DEFB118: variants seen among roughly 807,000 people sequenced by gnomAD.
DEFB118 encodes the protein defensin beta 118, also known as defensin, beta 18.
DEFB118 carries 3 observed loss-of-function variants against 2.8 expected under a neutral mutation model. The observed-to-expected ratio is 1.09, with a 90% CI of 0.50 to 2.82. The LOEUF (loss-of-function observed/expected upper bound fraction) is 2.82. Ranked by LOEUF, DEFB118 falls within the 30% of genes most tolerant of loss-of-function variation. The pLI, the probability that DEFB118 is intolerant of heterozygous loss-of-function variation, is 0.04. For missense variants in DEFB118, 159 were observed against 144.6 expected, an observed-to-expected ratio of 1.10 and a Z score of -0.51; for synonymous variants, 63 against 53.5, an observed-to-expected ratio of 1.18 and a Z score of -0.78.
In DEFB118 at chr20:31,372,952, C is replaced by T. The variant is rs34328728; in HGVS notation, c.154C>T (p.Arg52Ter). The change falls in exon 2 of 2, where the codon CGA becomes TGA. Residue 52 changes from arginine (R) to a stop codon, truncating the protein, a stop_gained. Coordinates refer to ENST00000253381, the MANE Select transcript of DEFB118 (RefSeq NM_054112.3). LOFTEE classifies it low-confidence loss of function (END_TRUNC). ...AGTGAAAGATACATGCAAAAATCTTCGAGCTTGCTGCATTCCATCCAATGA... is the reference window on the plus strand; with the variant it reads ...AGTGAAAGATACATGCAAAAATCTTTGAGCTTGCTGCATTCCATCCAATGA... ...EAVKDTCKNL[R>*]ACCIPSNEDH... 5 of 1,614,154 alleles carry T rather than the reference C, an allele frequency of 3.1e-6. No individual in the cohort carries two copies. Among genetic ancestry groups the T allele is most frequent in the Admixed American group, 1.7e-5 (1 of 60,024 alleles).
In DEFB118 at chr20:31,372,838, C is replaced by T; in HGVS notation, c.59-19C>T. On this transcript the variant is annotated intron_variant, in intron 1 of 1. Transcript: ENST00000253381. ...GCATCAGTAACCCAAAATCAATGGT[C>T]TTTCCTTTTATTATTCAGCCTATAG... 2.5e-6 allele frequency: 4 copies of T among 1,603,132 alleles called. No individual in the cohort carries two copies. The highest frequency in any genetic ancestry group is 3.4e-6 in the Non-Finnish European group (4 of 1,172,612).
chr20:31,370,063 T>G (rs565779102), intron 1 of DEFB118, among the ~76,000 whole-genome samples: 43 of 152,210 alleles, frequency 2.8e-4, no homozygotes, highest in African/African-American at 8.7e-4. Context: ...AGACTCCCAC[T>G]GCACACAGCG....
chr20:31,371,475 C>CT (rs900934386), intron 1 of DEFB118, among the ~76,000 whole-genome samples: 3 of 150,846 alleles, frequency 2.0e-5, no homozygotes, highest in East Asian at 3.9e-4. Context: ...TTTTCTTTTT[C>CT]TTTTTTTTCT....
intron 1 of DEFB118, among the ~76,000 whole-genome samples, chr20:31,371,538 T>G (rs1237433052): frequency 1.3e-5 from 2 of 152,146 alleles, no homozygotes; most frequent in African/African-American, 4.8e-5. Flanking sequence ...TGGCACGATC[T>G]CAACTCACTG....
chr20:31,369,051 T>C (rs191611438), intron 1 of DEFB118, among the ~76,000 whole-genome samples: 15 of 152,342 alleles, frequency 9.8e-5, no homozygotes, highest in African/African-American at 3.6e-4. Flanking sequence ...AAAGTCCTGC[T>C]ATAGCTATAA....
chr20:31,373,279 AATTCT>A lies in DEFB118; in HGVS notation c.*113_*117del. On this transcript the variant is annotated 3_prime_UTR_variant, in exon 2 of 2. Transcript: ENST00000253381. ...ACCCTCCCACCCCCCACCAATATGT[AATTCT>A]ATTAATAGAAACAGCTGTGTAAAGA... The A allele has an allele frequency of 1.1e-6, 1 of 943,922 alleles. No individual in the cohort carries two copies. The highest frequency in any genetic ancestry group is 1.6e-6 in the Non-Finnish European group (1 of 643,300). 58.5% of individuals were successfully genotyped at this position (943,922 alleles called of 1,614,324 possible). A position where few individuals can be genotyped will look rare whatever the true frequency, so the allele number is the denominator to read the frequency against.
Position 31,373,266 on chromosome 20 carries a change from C to A in DEFB118, c.*96C>A, listed in dbSNP as rs1986248407. 1.9e-6 allele frequency: 2 copies of A among 1,067,488 alleles called. No homozygotes were observed. Among genetic ancestry groups the A allele is most frequent in the South Asian group, 3.2e-5 (2 of 62,816 alleles). 66.1% of individuals were successfully genotyped at this position (1,067,488 alleles called of 1,614,324 possible). ...AAACACCACAGTGACCCTCCCACCC[C>A]CCACCAATATGTAATTCTATTAATA... is the stretch of plus-strand genomic sequence containing the variant. On this transcript the variant is annotated 3_prime_UTR_variant, in exon 2 of 2. Transcript: ENST00000253381.
At position 31,372,241 on chromosome 20, in the gene DEFB118, T is replaced by A. The variant is rs150872117; in HGVS notation, c.59-616T>A. 1.8e-3 allele frequency among the ~76,000 whole-genome samples: 275 copies of A among 152,290 alleles called. 1 individual carries two copies. Among genetic ancestry groups the A allele is most frequent in the African/African-American group, 6.4e-3 (267 of 41,552 alleles). ...CCAATGCAAATAACTTAATCACACT[T>A]GTTGAAGTAGCAACAAGATGTACTT... On this transcript the variant is annotated intron_variant, in intron 1 of 1. Coordinates refer to ENST00000253381, the MANE Select transcript of DEFB118 (RefSeq NM_054112.3).
In DEFB118 at chr20:31,373,158, C is replaced by T. The variant is rs1217370174; in HGVS notation, c.360C>T (p.His120=). ...CTGAGACCTCTCTTCCAAATGTTCA[C>T]CATAGCTCATGACTTCCTCTCGGCT... is the stretch of plus-strand genomic sequence containing the variant. ...RGTETSLPNV[H]HSS is the part of the protein sequence containing the mutation. The change falls in exon 2 of 2, where the codon CAC becomes CAT. Residue 120 remains histidine (H), a synonymous_variant. Coordinates refer to ENST00000253381, the MANE Select transcript of DEFB118 (RefSeq NM_054112.3). 16 of 1,612,902 alleles carry T rather than the reference C, an allele frequency of 9.9e-6. No individual in the cohort carries two copies. Among genetic ancestry groups the T allele is most frequent in the South Asian group, 4.4e-5 (4 of 91,038 alleles).
intron 1 of DEFB118, among the ~76,000 whole-genome samples, chr20:31,369,528 T>C (rs1318819948): frequency 6.6e-6 from 1 of 152,040 alleles, no homozygotes; most frequent in Non-Finnish European, 1.5e-5. Context: ...CAGCTGGGAT[T>C]ACAGGCATGC....
intron 1 of DEFB118, among the ~76,000 whole-genome samples, chr20:31,370,623 A>T (rs967454143): frequency 1.3e-5 from 2 of 152,216 alleles, no homozygotes; most frequent in African/African-American, 4.8e-5. Flanking sequence ...AATCAGTGAC[A>T]TTTATAGGAA....
At chr20:31,372,642 T>A (rs73246868) in intron 1 of DEFB118, among the ~76,000 whole-genome samples, 5,340 of 152,278 alleles carry the variant, frequency 0.035, 318 homozygotes, top group African/African-American at 0.12. Context: ...GACTAAAGTT[T>A]CTTTTCATTG....
chr20:31,371,475 C>A (rs375792306), intron 1 of DEFB118, among the ~76,000 whole-genome samples: 2 of 150,850 alleles, frequency 1.3e-5, no homozygotes, highest in Non-Finnish European at 3.0e-5. Flanking sequence ...TTTTCTTTTT[C>A]TTTTTTTTCT....
chr20:31,370,472 T>G (rs1986194586), intron 1 of DEFB118, among the ~76,000 whole-genome samples: 1 of 152,160 alleles, frequency 6.6e-6, no homozygotes, highest in African/African-American at 2.4e-5. Flanking sequence ...AAATATTACA[T>G]GATCTGGGGT....
rs139239835 is a variant in DEFB118 at position 31,373,056 on chromosome 20, A to G, written c.258A>G (p.Thr86=). ...CAGGAATTATTGATGATATTTTAAC[A>G]GTAAGGTTCACGACAGACTACTTTG... is the stretch of plus-strand genomic sequence containing the variant. ...STPGIIDDIL[T]VRFTTDYFEV... is the part of the protein sequence containing the mutation. The change falls in exon 2 of 2, where the codon ACA becomes ACG. Residue 86 remains threonine (T), a synonymous_variant. Coordinates refer to ENST00000253381, the MANE Select transcript of DEFB118 (RefSeq NM_054112.3). The G allele has an allele frequency of 2.5e-6, 4 of 1,614,116 alleles. No homozygotes were observed. Among genetic ancestry groups the G allele is most frequent in the East Asian group, 2.2e-5 (1 of 44,898 alleles).
chr20:31,369,811 A>G (rs990610244), intron 1 of DEFB118, among the ~76,000 whole-genome samples: 4 of 152,164 alleles, frequency 2.6e-5, no homozygotes, highest in Non-Finnish European at 5.9e-5. Flanking sequence ...ATATAAAGTC[A>G]TATATAGCCA....
At position 31,373,056 on chromosome 20, in the gene DEFB118, A is replaced by C. The variant is rs139239835; in HGVS notation, c.258A>C (p.Thr86=). The change falls in exon 2 of 2, where the codon ACA becomes ACC. Residue 86 remains threonine, a synonymous_variant. Transcript: ENST00000253381. The part of the protein sequence containing the change: ...STPGIIDDIL[T]VRFTTDYFEV... ...CAGGAATTATTGATGATATTTTAAC[A>C]GTAAGGTTCACGACAGACTACTTTG... 1 of 1,614,116 alleles carries C rather than the reference A, an allele frequency of 6.2e-7. No homozygotes were observed. The highest frequency in any genetic ancestry group is 1.3e-5 in the African/African-American group (1 of 74,940).
chr20:31,371,743 T>C (rs1403258748), intron 1 of DEFB118, among the ~76,000 whole-genome samples: 1 of 152,236 alleles, frequency 6.6e-6, no homozygotes, highest in African/African-American at 2.4e-5. Flanking sequence ...GTTACATGGA[T>C]GAATTGTATA....
intron 1 of DEFB118, among the ~76,000 whole-genome samples, chr20:31,368,928 T>C (rs543628181): frequency 9.3e-4 from 141 of 152,318 alleles, no homozygotes; most frequent in African/African-American, 3.4e-3. Context: ...ATATTCCAAG[T>C]TGCCGCCTAA....
Sources: gnomAD v4.1 joint callset for allele counts (sites outside exome capture counted in the v4.1 genomes callset) on GRCh38, gnomAD v4.1.1 for gene constraint, MANE v1.5 for transcripts, NCBI Gene and HGNC (gene_info 2026-07-23, HGNC 2026-07-21) for gene names.